Variants in RBM4B observed in about 807,000 individuals in gnomAD.
RBM4B encodes the protein RNA-binding protein 4B.
A neutral mutation model predicts 28.5 loss-of-function variants in RBM4B; 13 were observed. That is an observed-to-expected ratio of 0.46 (90% CI 0.30 to 0.72). The LOEUF (loss-of-function observed/expected upper bound fraction) is 0.72. Ranked by LOEUF, RBM4B falls within the 30% of genes least tolerant of loss-of-function variation. The pLI is 0.09. For synonymous variants in RBM4B, 167 were observed against 179.1 expected (o/e 0.93, Z 0.54); for missense variants, 387 against 477.6 (o/e 0.81, Z 1.77).
chr11:66,670,351 G>A (rs1939422373), intron 2 of RBM4B, among the ~76,000 whole-genome samples: 1 of 151,732 alleles, frequency 6.6e-6, no homozygotes, highest in Non-Finnish European at 1.5e-5. Context: ...GTAATGAAAT[G>A]ACTGTCATTT....
At position 66,676,969 on chromosome 11, in the gene RBM4B, G is replaced by C; in HGVS notation, c.111C>G (p.Tyr37Ter). The change falls in exon 2 of 4, where the codon TAC becomes TAG. Residue 37 changes from tyrosine (Y) to a stop codon, truncating the protein, a stop_gained. Coordinates refer to ENST00000310046, the MANE Select transcript of RBM4B (RefSeq NM_031492.4). LOFTEE classifies it high-confidence loss of function. Reference sequence around the variant, plus strand: ...TCTTGTCTTCTATGTGCACAAAGCCGTAATTCTTAATGATGTCACATTCCA... The same window carrying C: ...TCTTGTCTTCTATGTGCACAAAGCCCTAATTCTTAATGATGTCACATTCCA... ...KVLECDIIKN[Y>*]GFVHIEDKTA... 6 of 1,614,148 alleles carry C rather than the reference G, an allele frequency of 3.7e-6. No homozygotes were observed. In the South Asian group the frequency reaches 5.5e-5, roughly 15 times the overall value.
At chr11:66,667,362 A>G (rs1276127072) in intron 3 of RBM4B, 3 of 152,192 alleles carry the variant, frequency 2.0e-5, no homozygotes, top group Non-Finnish European at 4.4e-5. Flanking sequence ...CACCTATGCA[A>G]TTTTCTACAC....
rs562073155 is a variant in RBM4B at position 66,668,941 on chromosome 11, G to C, written c.763C>G (p.Gln255Glu). Reference sequence around the variant, plus strand: ...AGGTGGCTGGTCACAGTTGTGCTTTGGACTTGAGGCAGATGGGACATGGTC... The same window carrying C: ...AGGTGGCTGGTCACAGTTGTGCTTTCGACTTGAGGCAGATGGGACATGGTC... ...EQTMSHLPQV[Q>E]STTVTSHLNS... The change falls in exon 3 of 4, where the codon CAA becomes GAA. Residue 255 changes from glutamine to glutamate, a missense_variant. Physicochemically the swap from Gln to Glu is conservative, Grantham distance 29 (BLOSUM62 2). Transcript: ENST00000310046. 2 of 1,614,180 alleles carry C rather than the reference G, an allele frequency of 1.2e-6. No homozygotes were observed. Among genetic ancestry groups the C allele is most frequent in the Middle Eastern group, 1.6e-4 (1 of 6,062 alleles).
At position 66,668,762 on chromosome 11, in the gene RBM4B, G is replaced by A. The variant is rs1227087916; in HGVS notation, c.942C>T (p.Pro314=). 8 of 1,614,098 alleles carry A rather than the reference G, an allele frequency of 5.0e-6. No individual in the cohort carries two copies. Among genetic ancestry groups the A allele is most frequent in the Admixed American group, 1.7e-5 (1 of 60,010 alleles). The stretch of plus-strand genomic sequence containing the variant: ...CATAACCGTAGCCCTCTCCAACTGT[G>A]GGGAGCATGGCTGCAGCACGACGCA... ...SPLRRAAAML[P]TVGEGYGYGP... is the part of the protein sequence containing the mutation. Residue 314 remains proline, a synonymous_variant, in exon 3 of 4, where the codon CCC becomes CCT. Coordinates refer to ENST00000310046, the MANE Select transcript of RBM4B (RefSeq NM_031492.4).
At chr11:66,666,496 G>A in intron 3 of RBM4B, 1 of 975,158 alleles carries the variant, frequency 1.0e-6, no homozygotes, top group Non-Finnish European at 1.2e-6. Flanking sequence ...GTTCACACCT[G>A]GAAGGTAAGT....
At position 66,669,065 on chromosome 11, in the gene RBM4B, A is replaced by G. The variant is rs770270607; in HGVS notation, c.639T>C (p.Asp213=). 4 of 1,614,056 alleles carry G rather than the reference A, an allele frequency of 2.5e-6. No individual in the cohort carries two copies. The Admixed American group carries it at 5.0e-5, about 20-fold the overall frequency. ...MGYGESMYYN[D]AYGALDYYKR... ...TATAGTAGTCGAGTGCTCCATATGC[A>G]TCGTTGTAATACATGGATTCCCCGT... is the stretch of plus-strand genomic sequence containing the variant. Residue 213 remains aspartate (D), a synonymous_variant, in exon 3 of 4, where the codon GAT becomes GAC. Coordinates refer to ENST00000310046, the MANE Select transcript of RBM4B (RefSeq NM_031492.4).
rs1020434505 is a variant in RBM4B, at chr11:66,677,848, G to C, written c.-97C>G. 1.3e-5 allele frequency: 2 copies of C among 152,678 alleles called. No homozygotes were observed. The highest frequency in any genetic ancestry group is 6.5e-5 in the Admixed American group (1 of 15,288). The allele number at this position is 152,678 out of a possible 1,614,324, so 9.5% of individuals were successfully genotyped here. On this transcript the variant is annotated 5_prime_UTR_variant, in exon 1 of 4. Coordinates refer to ENST00000310046, the MANE Select transcript of RBM4B (RefSeq NM_031492.4). ...CGGCCGCTCGAGCCTGGACGCGACC[G>C]GGCCCTTTCTCGCGCGCCAGCTCAC...
chr11:66,671,613 C>G (rs1939464773), intron 2 of RBM4B, among the ~76,000 whole-genome samples: 1 of 152,126 alleles, frequency 6.6e-6, no homozygotes, highest in Admixed American at 6.5e-5. Context: ...GCAATTTTAC[C>G]TTGATGTTTT....
At chr11:66,673,585 A>G (rs1312229623) in intron 2 of RBM4B, among the ~76,000 whole-genome samples, 2 of 152,206 alleles carry the variant, frequency 1.3e-5, no homozygotes, top group Non-Finnish European at 2.9e-5. Context: ...CAGCCTCCTG[A>G]GTAGCCGGGA....
chr11:66,674,337 C>T (rs1255733109), intron 2 of RBM4B, among the ~76,000 whole-genome samples: 1 of 151,416 alleles, frequency 6.6e-6, no homozygotes, highest in Non-Finnish European at 1.5e-5. Context: ...TATTCTCCTG[C>T]CTCAGCTTCC....
At chr11:66,669,549 C>T (rs1166570617) in intron 2 of RBM4B, among the ~76,000 whole-genome samples, 1 of 152,158 alleles carries the variant, frequency 6.6e-6, no homozygotes, top group Admixed American at 6.5e-5. Context: ...CGGATTCAAG[C>T]AATTCTCCTG....
intron 2 of RBM4B, among the ~76,000 whole-genome samples, chr11:66,673,097 G>A (rs1480456454): frequency 6.6e-5 from 10 of 151,830 alleles, no homozygotes; most frequent in African/African-American, 2.4e-4. Flanking sequence ...ATTTCTGAGC[G>A]CCTATCAAGT....
At position 66,668,680 on chromosome 11, in the gene RBM4B, T is replaced by C. The variant is rs148895686; in HGVS notation, c.1024A>G (p.Met342Val). 2.5e-4 allele frequency: 398 copies of C among 1,614,174 alleles called. No individual in the cohort carries two copies. The highest frequency in any genetic ancestry group is 1.4e-3 in the South Asian group (130 of 91,086). Residue 342 changes from methionine (M) to valine (V), a missense_variant, in exon 3 of 4, where the codon ATG becomes GTG. Coordinates refer to ENST00000310046, the MANE Select transcript of RBM4B (RefSeq NM_031492.4). ...SAATRNSLYD[M>V]ARYEREQYVD... ...TACTGCTCCCGTTCATACCGGGCCA[T>C]GTCATACAGAGAATTCCGTGTAGCT...
chr11:66,675,709 G>A (rs995479471), intron 2 of RBM4B: 1 of 152,196 alleles, frequency 6.6e-6, no homozygotes, highest in Non-Finnish European at 1.5e-5. Context: ...AACACTTGTA[G>A]AACAGTGCTA....
chr11:66,676,758 C>G lies in RBM4B; in HGVS notation c.322G>C (p.Asp108His). ...FEEYGPVIEC[D>H]IVKDYAFVHM... ...ACGAAGGCATAATCTTTCACGATGT[C>G]ACATTCGATGACCGGACCATACTCC... The change falls in exon 2 of 4, where the codon GAC becomes CAC. Residue 108 changes from aspartate to histidine, a missense_variant. Asp to His is a moderately conservative substitution (Grantham distance 81). This residue lies in a region of RBM4B where 161 missense variants were observed against 256.9 expected (regional missense o/e 0.63). Transcript: ENST00000310046. The G allele has an allele frequency of 1.2e-6, 2 of 1,614,154 alleles. No individual in the cohort carries two copies. Among genetic ancestry groups the G allele is most frequent in the South Asian group, 2.2e-5 (2 of 91,084 alleles).
At chr11:66,674,534 T>A (rs1256872753) in intron 2 of RBM4B, among the ~76,000 whole-genome samples, 3 of 149,872 alleles carry the variant, frequency 2.0e-5, no homozygotes, top group African/African-American at 7.4e-5. Flanking sequence ...GCCTGTCCTT[T>A]TCCTTTTATT....
Position 66,675,445 on chromosome 11 carries a change from G to A in RBM4B, c.412+1223C>T, listed in dbSNP as rs182880650. ...GCTTTAAAGAGCAGCTAAAGGCCAA[G>A]GCATCACTGGCTGAAGCTGGAGATA... is the stretch of plus-strand genomic sequence containing the variant. On this transcript the variant is annotated intron_variant, in intron 2 of 3. Coordinates refer to ENST00000310046, the MANE Select transcript of RBM4B (RefSeq NM_031492.4). 9.2e-5 allele frequency: 14 copies of A among 152,322 alleles called. 1 individual carries two copies. Among genetic ancestry groups the A allele is most frequent in the Admixed American group, 9.2e-4 (14 of 15,294 alleles). The allele number at this position is 152,322 out of a possible 1,614,324, so 9.4% of individuals were successfully genotyped here. A position where few individuals can be genotyped will look rare whatever the true frequency, so the allele number is the denominator to read the frequency against.
At chr11:66,669,318 T>C (rs1334118520) in intron 2 of RBM4B, 27 bp from the exon 3 acceptor site, 1 of 1,594,684 alleles carries the variant, frequency 6.3e-7, no homozygotes, top group Non-Finnish European at 8.6e-7. Context: ...TAAGAAGATT[T>C]ATTTTAACTC....
intron 2 of RBM4B, among the ~76,000 whole-genome samples, chr11:66,669,951 A>G (rs648491): frequency 0.055 from 8,399 of 152,300 alleles, 332 homozygotes; most frequent in East Asian, 0.11. Flanking sequence ...AATTCTGCCA[A>G]TACTTCCAAA....
Sources: gnomAD v4.1 joint callset for allele counts (sites outside exome capture counted in the v4.1 genomes callset) on GRCh38, gnomAD v4.1.1 for gene constraint, gnomAD v4.1.1 regional missense constraint, MANE v1.5 for transcripts, NCBI Gene and HGNC (gene_info 2026-07-23, HGNC 2026-07-21) for gene names.